The following ST7 variants were observed in gnomAD, a reference collection of about 807,000 sequenced individuals.
The protein encoded by ST7 is suppressor of tumorigenicity 7 protein.
In ST7, 28 loss-of-function variants were observed where a neutral mutation model predicts 78.7. The observed-to-expected ratio is 0.36, with a 90% CI of 0.26 to 0.49. The LOEUF (loss-of-function observed/expected upper bound fraction) is 0.49, where lower values mean the gene tolerates loss of function less well. ST7 is among the 20% of genes least tolerant of loss of function. ST7 has a pLI of 0.99. For synonymous variants in ST7, 247 were observed against 249.6 expected, an observed-to-expected ratio of 0.99 and a Z score of 0.10; for missense variants, 418 against 696.0, an observed-to-expected ratio of 0.60 and a Z score of 4.49.
At chr7:117,057,742 G>A (rs984591807) in intron 1 of ST7, among the ~76,000 whole-genome samples, 3 of 152,192 alleles carry the variant, frequency 2.0e-5, no homozygotes, top group African/African-American at 7.2e-5. Flanking sequence ...TTTGAAAAGA[G>A]ATAGTGATAT....
intron 1 of ST7, among the ~76,000 whole-genome samples, chr7:117,000,633 A>G (rs1239975691): frequency 6.6e-6 from 1 of 152,230 alleles, no homozygotes; most frequent in African/African-American, 2.4e-5. Flanking sequence ...TAATTGCATT[A>G]TTAGGAGAAG....
chr7:117,134,213 G>A, intron 7 of ST7, 21 bp downstream of exon 7: 1 of 1,611,148 alleles, frequency 6.2e-7, no homozygotes, highest in Non-Finnish European at 8.5e-7. Flanking sequence ...AACCTGTTGG[G>A]TGCCCTACTT....
intron 1 of ST7, among the ~76,000 whole-genome samples, chr7:117,023,739 G>T (rs553440328): frequency 6.6e-6 from 1 of 151,970 alleles, no homozygotes. Context: ...GTTGAGGAAG[G>T]TGATAATTAA....
chr7:117,183,441 A>G (rs754012070), intron 10 of ST7, among the ~76,000 whole-genome samples: 3 of 151,922 alleles, frequency 2.0e-5, no homozygotes, highest in South Asian at 4.2e-4. Context: ...AAAAAATTAT[A>G]TATATATAAT....
At chr7:116,990,257 C>T (rs1298593607) in intron 1 of ST7, among the ~76,000 whole-genome samples, 1 of 152,106 alleles carries the variant, frequency 6.6e-6, no homozygotes, top group Non-Finnish European at 1.5e-5. Context: ...TTTGATTTCT[C>T]TGTAGAGTGA....
chr7:117,110,783 A>G (rs893419835), intron 2 of ST7, among the ~76,000 whole-genome samples: 1 of 152,152 alleles, frequency 6.6e-6, no homozygotes, highest in African/African-American at 2.4e-5. Context: ...AAAGATGGGG[A>G]AGCCCCAACA....
chr7:117,012,628 C>A (rs1795433770), intron 1 of ST7, among the ~76,000 whole-genome samples: 1 of 151,954 alleles, frequency 6.6e-6, no homozygotes, highest in Non-Finnish European at 1.5e-5. Flanking sequence ...TAAAAACTTG[C>A]TTAATGAAGA....
At chr7:116,958,073 A>G (rs935451977) in intron 1 of ST7, among the ~76,000 whole-genome samples, 1 of 151,872 alleles carries the variant, frequency 6.6e-6, no homozygotes, top group African/African-American at 2.4e-5. Flanking sequence ...TGCAGCCTCA[A>G]CCTGCAGGCT....
At chr7:117,181,307 A>G (rs1214403659) in intron 10 of ST7, among the ~76,000 whole-genome samples, 1 of 152,208 alleles carries the variant, frequency 6.6e-6, no homozygotes, top group Non-Finnish European at 1.5e-5. Context: ...GTATGACTCT[A>G]TTGTCCAAAA....
At chr7:116,961,214 C>T (rs775072966) in intron 1 of ST7, among the ~76,000 whole-genome samples, 10 of 152,002 alleles carry the variant, frequency 6.6e-5, no homozygotes, top group Non-Finnish European at 1.0e-4. Context: ...TTACTGTAGC[C>T]CTGTAGTGTA....
At chr7:117,093,012 C>T (rs1800749566) in intron 1 of ST7, among the ~76,000 whole-genome samples, 1 of 152,140 alleles carries the variant, frequency 6.6e-6, no homozygotes, top group Non-Finnish European at 1.5e-5. Context: ...ACAGGTGGTT[C>T]CCATATGGCC....
intron 1 of ST7, chr7:117,072,832 C>T (rs556647278): frequency 2.0e-5 from 3 of 152,314 alleles, no homozygotes; most frequent in South Asian, 2.1e-4. Context: ...GAGAAAGTGA[C>T]GCAGTCACTT....
At chr7:116,973,693 T>G (rs1254952438) in intron 1 of ST7, among the ~76,000 whole-genome samples, 1 of 152,238 alleles carries the variant, frequency 6.6e-6, no homozygotes, top group Non-Finnish European at 1.5e-5. Context: ...TCATCAATAA[T>G]GTATAGTTAT....
intron 1 of ST7, among the ~76,000 whole-genome samples, chr7:117,078,029 G>C (rs1029662002): frequency 6.6e-6 from 1 of 152,090 alleles, no homozygotes; most frequent in Non-Finnish European, 1.5e-5. Flanking sequence ...ATTTGTCTCA[G>C]AGGTGAAAAG....
chr7:117,116,164 C>G (rs1802866852), intron 2 of ST7, among the ~76,000 whole-genome samples: 1 of 152,152 alleles, frequency 6.6e-6, no homozygotes, highest in African/African-American at 2.4e-5. Context: ...TTGACCCTCT[C>G]AGGGGCAGAG....
At chr7:117,105,200 G>A (rs1258110177) in intron 2 of ST7, among the ~76,000 whole-genome samples, 2 of 152,208 alleles carry the variant, frequency 1.3e-5, no homozygotes, top group East Asian at 1.9e-4. Flanking sequence ...TCATTATGTT[G>A]AGTGAAATAA....
chr7:117,184,040 A>T (rs991415675), intron 10 of ST7: 8 of 152,232 alleles, frequency 5.3e-5, no homozygotes, highest in African/African-American at 1.9e-4. Flanking sequence ...TGTGAAGTTC[A>T]GGATTATAAC....
intron 1 of ST7, among the ~76,000 whole-genome samples, chr7:116,983,033 G>A (rs1033014185): frequency 1.2e-4 from 18 of 152,078 alleles, no homozygotes; most frequent in African/African-American, 4.1e-4. Context: ...CAAGTAGCTG[G>A]GATTACAGGC....
chr7:117,169,293 G>C (rs1374536141), intron 9 of ST7, among the ~76,000 whole-genome samples: 3 of 151,882 alleles, frequency 2.0e-5, no homozygotes, highest in African/African-American at 7.3e-5. Flanking sequence ...GTGTCACCAT[G>C]CCTGACTAAT....
Sources: allele counts gnomAD v4.1 joint callset (sites outside exome capture counted in the v4.1 genomes callset), GRCh38; gene constraint gnomAD v4.1.1; transcripts MANE v1.5; gene names NCBI Gene and HGNC (gene_info 2026-07-23, HGNC 2026-07-21).